Variants in TNRC6A observed in about 807,000 individuals in gnomAD.
The protein encoded by TNRC6A is trinucleotide repeat-containing gene 6A protein.
Under a neutral mutation model 221.2 loss-of-function variants are expected in TNRC6A, and 44 were observed. The observed-to-expected ratio is 0.20, with a 90% CI of 0.16 to 0.26. TNRC6A has a LOEUF of 0.26. TNRC6A is among the 10% of genes least tolerant of loss of function. The probability of loss-of-function intolerance (pLI) is 1.00; values close to 1 mark genes in which losing one functional copy is unlikely to be tolerated. For synonymous variants in TNRC6A, 847 were observed against 838.5 expected (o/e 1.01, Z -0.18); for missense variants, 2,199 against 2,404.4 (o/e 0.91, Z 1.79).
At chr16:24,786,944 G>A (rs1212140589) in intron 5 of TNRC6A, among the ~76,000 whole-genome samples, 1 of 152,188 alleles carries the variant, frequency 6.6e-6, no homozygotes, top group Non-Finnish European at 1.5e-5. Flanking sequence ...GCCTCCCAAA[G>A]TGTTGAGATT....
intron 1 of TNRC6A, 67 bp downstream of exon 1, chr16:24,729,913 C>CGCG: frequency 2.6e-6 from 3 of 1,158,568 alleles, no homozygotes; most frequent in Non-Finnish European, 3.2e-6. Context: ...GCCCGCAACC[C>CGCG]GCGGCGGCGG....
At chr16:24,659,416 C>T (rs745704598) in intron 2 of TNRC6A, among the ~76,000 whole-genome samples, 4 of 152,038 alleles carry the variant, frequency 2.6e-5, no homozygotes, top group Non-Finnish European at 2.9e-5. Flanking sequence ...CCTCAAAAAA[C>T]GCTCCCTTTT....
chr16:24,748,179 G>A (rs2057054150), intron 2 of TNRC6A, among the ~76,000 whole-genome samples: 1 of 152,126 alleles, frequency 6.6e-6, no homozygotes, highest in South Asian at 2.1e-4. Context: ...ACATTGACAT[G>A]TATGGTCATT....
chr16:24,666,639 G>GAAAAAAAAA (rs1164353374), intron 2 of TNRC6A, among the ~76,000 whole-genome samples: 2 of 31,508 alleles, frequency 6.3e-5, no homozygotes, highest in Non-Finnish European at 1.1e-4. Flanking sequence ...CTGTCTTAGA[G>GAAAAAAAAA]AAAAAAAAAA....
In TNRC6A at chr16:24,777,113, CGCAGCCGCAGCAGCAGCAGCCACAGCA is replaced by C. The variant is rs774262426; in HGVS notation, c.351_377del (p.Gln119_Gln127del). ...CAGCAGCCACAGCAGCAGCCACAGCCGCAGCCGCAGCAGCAGCAGCCACAGCAGCAGCCACAGGCCTTGCCTCGGTAT... is the reference window on the plus strand; with the variant it reads ...CAGCAGCCACAGCAGCAGCCACAGCCGCAGCCACAGGCCTTGCCTCGGTAT... On this transcript the variant is annotated inframe_deletion, in exon 5 of 25. Transcript: ENST00000395799. 14 of 1,091,136 alleles carry C rather than the reference CGCAGCCGCAGCAGCAGCAGCCACAGCA, an allele frequency of 1.3e-5. No individual in the cohort carries two copies. The highest frequency in any genetic ancestry group is 3.0e-5 in the South Asian group (2 of 65,576). The allele number at this position is 1,091,136 out of a possible 1,614,324, so 67.6% of individuals were successfully genotyped here. A position where few individuals can be genotyped will look rare whatever the true frequency, so the allele number is the denominator to read the frequency against.
intron 4 of TNRC6A, among the ~76,000 whole-genome samples, chr16:24,758,846 G>T (rs1478909049): frequency 6.6e-6 from 1 of 151,864 alleles, no homozygotes; most frequent in African/African-American, 2.4e-5. Context: ...CTTACACATT[G>T]TGTCAGGTTT....
intron 1 of TNRC6A, 51 bp downstream of exon 1, chr16:24,729,897 C>A (rs1279749961): frequency 1.4e-5 from 17 of 1,224,964 alleles, no homozygotes; most frequent in Admixed American, 8.7e-5. Flanking sequence ...CGGGCGCTGC[C>A]GCAGGGCCCG....
At chr16:24,710,039 C>T (rs980924448) in intron 2 of TNRC6A, among the ~76,000 whole-genome samples, 1 of 150,738 alleles carries the variant, frequency 6.6e-6, no homozygotes, top group African/African-American at 2.4e-5. Context: ...ACCAGCCTGA[C>T]CAACATGGAA....
chr16:24,708,685 T>C (rs965578881), intron 2 of TNRC6A, among the ~76,000 whole-genome samples: 2 of 152,142 alleles, frequency 1.3e-5, no homozygotes, highest in Non-Finnish European at 2.9e-5. Context: ...GAGTCCATTA[T>C]ATGGCTCTGT....
intron 10 of TNRC6A, 144 bp from the exon 11 acceptor site, chr16:24,797,771 A>G: frequency 1.1e-6 from 1 of 881,464 alleles, no homozygotes; most frequent in Non-Finnish European, 1.7e-6. Flanking sequence ...AAAACATTTT[A>G]AAAATTACAT....
rs57831728 is a variant in TNRC6A, at chr16:24,729,684, T to TCGG, written c.-126_-124dup. 11,741 of 629,264 alleles carry TCGG rather than the reference T, an allele frequency of 0.019. 196 individuals carry two copies. Among genetic ancestry groups the TCGG allele is most frequent in the African/African-American group, 0.067 (3,254 of 48,722 alleles). The allele number at this position is 629,264 out of a possible 1,614,324, so 39.0% of individuals were successfully genotyped here. ...TCTGGGGCCTGCGGCGGCGGCGGTG[T>TCGG]CGGCGGCGGCGGCGGCGGCGGCGGC... is the stretch of plus-strand genomic sequence containing the variant. On this transcript the variant is annotated 5_prime_UTR_variant, in exon 1 of 25. Coordinates refer to ENST00000395799, the MANE Select transcript of TNRC6A (RefSeq NM_014494.4).
chr16:24,652,672 G>A (rs1306108906), intron 2 of TNRC6A, among the ~76,000 whole-genome samples: 1 of 152,026 alleles, frequency 6.6e-6, no homozygotes, highest in Admixed American at 6.6e-5. Flanking sequence ...TAATTATTAG[G>A]CAACTGGACC....
chr16:24,689,161 G>T (rs1424426681), intron 2 of TNRC6A, among the ~76,000 whole-genome samples: 1 of 152,188 alleles, frequency 6.6e-6, no homozygotes, highest in African/African-American at 2.4e-5. Context: ...TATTGTAACT[G>T]ATATAAACGT....
chr16:24,822,839 C>CG, intron 23 of TNRC6A, 35 bp from the exon 24 acceptor site: 1 of 1,611,654 alleles, frequency 6.2e-7, no homozygotes, highest in African/African-American at 1.3e-5. Context: ...CCCGCGGTGA[C>CG]GCCTCTCACT....
chr16:24,801,672 T>C (rs1401389623), intron 11 of TNRC6A, among the ~76,000 whole-genome samples: 4 of 152,048 alleles, frequency 2.6e-5, no homozygotes, highest in Admixed American at 6.6e-5. Context: ...GTATTTTTAG[T>C]AGAGACAGGG....
At chr16:24,806,511 A>G (rs2058435211) in intron 16 of TNRC6A, 63 bp from the exon 17 acceptor site, 4 of 1,576,004 alleles carry the variant, frequency 2.5e-6, no homozygotes, top group East Asian at 2.2e-5. Flanking sequence ...GGAGAGGAAT[A>G]TGTAGTTTTC....
chr16:24,720,897 A>C (rs560235541), intron 2 of TNRC6A, among the ~76,000 whole-genome samples: 18 of 149,268 alleles, frequency 1.2e-4, no homozygotes, highest in Middle Eastern at 3.4e-3. Context: ...AAAAAAAAAA[A>C]CAAAAAAATT....
intron 2 of TNRC6A, among the ~76,000 whole-genome samples, chr16:24,687,220 T>A (rs2055644801): frequency 6.6e-6 from 1 of 152,172 alleles, no homozygotes; most frequent in South Asian, 2.1e-4. Flanking sequence ...AATTAGCTAC[T>A]TATATAATAT....
At chr16:24,814,246 A>G (rs1334134884) in intron 18 of TNRC6A, among the ~76,000 whole-genome samples, 1 of 151,708 alleles carries the variant, frequency 6.6e-6, no homozygotes, top group Admixed American at 6.6e-5. Context: ...AGTGGCATGC[A>G]GGGCCCGGCT....
Sources: gnomAD v4.1 joint callset for allele counts (sites outside exome capture counted in the v4.1 genomes callset) on GRCh38, gnomAD v4.1.1 for gene constraint, MANE v1.5 for transcripts, NCBI Gene and HGNC (gene_info 2026-07-23, HGNC 2026-07-21) for gene names.